COL22A1: variants seen among roughly 807,000 people sequenced by gnomAD.
COL22A1 encodes collagen type XXII alpha 1 chain, also known as collagen alpha-1(XXII) chain.
In COL22A1, 221 loss-of-function variants were observed where a neutral mutation model predicts 248.9. The observed-to-expected ratio is 0.89, with a 90% CI of 0.80 to 0.99. COL22A1 has a LOEUF of 0.99. Among genes scored for constraint, COL22A1 ranks in the 50% least tolerant of loss-of-function variants. The probability of loss-of-function intolerance (pLI) is 0.00; values close to 1 mark genes in which losing one functional copy is unlikely to be tolerated. For synonymous variants in COL22A1, 891 were observed against 793.4 expected, an observed-to-expected ratio of 1.12 and a Z score of -2.07; for missense variants, 2,240 against 2,179.0, an observed-to-expected ratio of 1.03 and a Z score of -0.56.
Position 138,821,418 on chromosome 8 carries a change from A to C in COL22A1, c.970-7T>G, listed in dbSNP as rs1819119966. 6.2e-7 allele frequency: 1 copy of C among 1,610,494 alleles called. No homozygotes were observed. Among genetic ancestry groups the C allele is most frequent in the Non-Finnish European group, 8.5e-7 (1 of 1,177,182 alleles). ...CATCCAGCCGGATGGAGACCTGGGG[A>C]GGAAAGGACCAGAGACTCCTTGAGC... is the stretch of plus-strand genomic sequence containing the variant. On this transcript the variant is annotated splice_region_variant and splice_polypyrimidine_tract_variant and intron_variant, in intron 6 of 64. Transcript: ENST00000303045.
At chr8:138,868,753 C>T (rs1219856281) in intron 3 of COL22A1, among the ~76,000 whole-genome samples, 2 of 147,658 alleles carry the variant, frequency 1.4e-5, no homozygotes, top group Admixed American at 6.8e-5. Flanking sequence ...TTTTTGGAGA[C>T]GAAGTCTCAC....
At chr8:138,708,941 G>GA (rs143434878) in intron 30 of COL22A1, among the ~76,000 whole-genome samples, 5 of 151,870 alleles carry the variant, frequency 3.3e-5, no homozygotes, top group African/African-American at 1.2e-4. Flanking sequence ...AAATTTACAA[G>GA]AAAAAAATCA....
At chr8:138,754,801 A>G (rs1183358736) in intron 21 of COL22A1, among the ~76,000 whole-genome samples, 1 of 152,248 alleles carries the variant, frequency 6.6e-6, no homozygotes, top group Admixed American at 6.5e-5. Context: ...TTCAGTCGGC[A>G]TGTAAGTGTC....
intron 30 of COL22A1, among the ~76,000 whole-genome samples, chr8:138,705,019 G>C (rs983085691): frequency 1.3e-5 from 2 of 152,158 alleles, no homozygotes. Context: ...TCAAGTGGAA[G>C]AAAGGGTATC....
chr8:138,912,539 G>C (rs1348877629), intron 1 of COL22A1, among the ~76,000 whole-genome samples: 1 of 152,192 alleles, frequency 6.6e-6, no homozygotes, highest in East Asian at 1.9e-4. Context: ...TCGGGAGTTG[G>C]AGACCAGTCT....
intron 47 of COL22A1, among the ~76,000 whole-genome samples, chr8:138,643,162 A>T (rs1821870373): frequency 6.6e-6 from 1 of 151,990 alleles, no homozygotes; most frequent in South Asian, 2.1e-4. Flanking sequence ...TCAGCTGGTG[A>T]TCCCAGAAAG....
chr8:138,663,315 T>A (rs13271565), intron 42 of COL22A1, among the ~76,000 whole-genome samples: 10 of 152,026 alleles, frequency 6.6e-5, no homozygotes, highest in Admixed American at 2.6e-4. Flanking sequence ...TTGCTCTGCC[T>A]ATGTTACAGA....
At chr8:138,714,935 G>A (rs1048475417) in intron 30 of COL22A1, among the ~76,000 whole-genome samples, 3 of 152,138 alleles carry the variant, frequency 2.0e-5, no homozygotes, top group Admixed American at 6.5e-5. Context: ...TTCACACCCC[G>A]CTGGTGCCTC....
chr8:138,867,774 A>G (rs1035174541), intron 3 of COL22A1, among the ~76,000 whole-genome samples: 12 of 152,050 alleles, frequency 7.9e-5, no homozygotes, highest in African/African-American at 2.4e-4. Flanking sequence ...TTGTTTGTTT[A>G]TTTATTTATT....
Position 138,615,962 on chromosome 8 carries a change from C to T in COL22A1, c.3924+39G>A, listed in dbSNP as rs568207176. On this transcript the variant is annotated intron_variant, in intron 55 of 64. Transcript: ENST00000303045. ...GTCACTTCCTTGATACACCCACCCCCAGCCCCAGCCCAGCCAGGTCCCACA... is the reference window on the plus strand; with the variant it reads ...GTCACTTCCTTGATACACCCACCCCTAGCCCCAGCCCAGCCAGGTCCCACA... 22 of 1,547,014 alleles carry T rather than the reference C, an allele frequency of 1.4e-5. No homozygotes were observed. The South Asian group carries it at 1.9e-4, about 13-fold the overall frequency.
rs745740457 is a variant in COL22A1, at chr8:138,690,832, G to A, written c.2797C>T (p.Pro933Ser). ...HVGAPGPSGPPGSVGAPGLRG... is the reference protein window; with the variant it reads ...HVGAPGPSGPSGSVGAPGLRG... ...TCCCAATTACTCACCACACTTCCTG[G>A]AGGGCCACTGGGACCGGGGGCACCG... Residue 933 changes from proline (P) to serine (S), a missense_variant, in exon 36 of 65, where the codon CCA (proline) becomes TCA (serine). Pro to Ser is a moderately conservative substitution (Grantham distance 74, BLOSUM62 -1). Coordinates refer to ENST00000303045, the MANE Select transcript of COL22A1 (RefSeq NM_152888.3). 3.1e-6 allele frequency: 5 copies of A among 1,609,702 alleles called. No homozygotes were observed. The South Asian group carries it at 5.6e-5, about 18-fold the overall frequency.
intron 49 of COL22A1, among the ~76,000 whole-genome samples, chr8:138,632,722 A>G (rs1820833066): frequency 6.6e-6 from 1 of 152,182 alleles, no homozygotes; most frequent in South Asian, 2.1e-4. Context: ...GCAGGGTGCA[A>G]TCAGATTTGT....
At chr8:138,695,916 G>A (rs1206140561) in intron 32 of COL22A1, among the ~76,000 whole-genome samples, 1 of 152,082 alleles carries the variant, frequency 6.6e-6, no homozygotes, top group Non-Finnish European at 1.5e-5. Context: ...GTGAACCAGT[G>A]TGGACACAGT....
intron 20 of COL22A1, 75 bp downstream of exon 20, chr8:138,755,407 G>T: frequency 3.3e-6 from 5 of 1,495,950 alleles, no homozygotes; most frequent in Non-Finnish European, 4.7e-6. Context: ...AGTTCAGCCT[G>T]AGATCATGGT....
intron 53 of COL22A1, among the ~76,000 whole-genome samples, chr8:138,617,392 G>T (rs1171162874): frequency 6.6e-6 from 1 of 152,032 alleles, no homozygotes; most frequent in Non-Finnish European, 1.5e-5. Context: ...CCTTGTTCCT[G>T]TGGCCATTGC....
chr8:138,858,344 T>C (rs911925097), intron 3 of COL22A1, among the ~76,000 whole-genome samples: 3 of 152,142 alleles, frequency 2.0e-5, no homozygotes, highest in Non-Finnish European at 2.9e-5. Context: ...GGAATTTTTT[T>C]TCTTTTTTTC....
At chr8:138,766,645 G>A (rs546200181) in intron 16 of COL22A1, among the ~76,000 whole-genome samples, 8 of 152,288 alleles carry the variant, frequency 5.3e-5, no homozygotes, top group Middle Eastern at 6.8e-3. Flanking sequence ...GGCGCAGACA[G>A]AGACAGACGC....
At chr8:138,601,872 A>G (rs1223542513) in intron 60 of COL22A1, among the ~76,000 whole-genome samples, 1 of 152,204 alleles carries the variant, frequency 6.6e-6, no homozygotes, top group Non-Finnish European at 1.5e-5. Flanking sequence ...TTAAAATGAT[A>G]ACCAAAAAGA....
chr8:138,684,095 T>C (rs913079424), intron 39 of COL22A1, among the ~76,000 whole-genome samples: 3 of 151,876 alleles, frequency 2.0e-5, no homozygotes. Context: ...CCATCTCTAC[T>C]AAAAATATAC....
Sources: gnomAD v4.1 joint callset for allele counts (sites outside exome capture counted in the v4.1 genomes callset) on GRCh38, gnomAD v4.1.1 for gene constraint, MANE v1.5 for transcripts, NCBI Gene and HGNC (gene_info 2026-07-23, HGNC 2026-07-21) for gene names.